NEK1: variants seen among roughly 807,000 people sequenced by gnomAD.
NEK1 encodes the protein serine/threonine-protein kinase Nek1.
Under a neutral mutation model 182.1 loss-of-function variants are expected in NEK1, and 137 were observed. That is an observed-to-expected ratio of 0.75 (90% CI 0.65 to 0.87). The LOEUF is 0.87. Among genes scored for constraint, NEK1 ranks in the 40% least tolerant of loss-of-function variants. The pLI is 0.00. For synonymous variants in NEK1, 513 were observed against 492.2 expected, an observed-to-expected ratio of 1.04 and a Z score of -0.56; for missense variants, 1,391 against 1,494.4, an observed-to-expected ratio of 0.93 and a Z score of 1.14.
At chr4:169,536,454 G>A (rs1337596424) in intron 19 of NEK1, among the ~76,000 whole-genome samples, 1 of 150,186 alleles carries the variant, frequency 6.7e-6, no homozygotes, top group Non-Finnish European at 1.5e-5. Context: ...CAAGCCAGAG[G>A]TAAAAAGTTT....
At chr4:169,492,862 A>G (rs969921567) in intron 23 of NEK1, among the ~76,000 whole-genome samples, 18 of 152,178 alleles carry the variant, frequency 1.2e-4, no homozygotes, top group Non-Finnish European at 2.4e-4. Flanking sequence ...CACCAATGGG[A>G]AACAGGAAAT....
intron 23 of NEK1, among the ~76,000 whole-genome samples, chr4:169,488,640 G>A (rs1184062293): frequency 6.6e-6 from 1 of 152,054 alleles, no homozygotes; most frequent in African/African-American, 2.4e-5. Context: ...AAATATACGT[G>A]GTTTTACTGA....
intron 22 of NEK1, 29 bp from the exon 23 acceptor site, chr4:169,507,161 GT>G: frequency 9.5e-7 from 1 of 1,055,206 alleles, no homozygotes; most frequent in South Asian, 1.6e-5. Context: ...AACAAAATGA[GT>G]TACCAGAAAG....
chr4:169,433,615 T>C lies in NEK1; in HGVS notation c.2815A>G (p.Lys939Glu), dbSNP rs370930011. Residue 939 changes from lysine to glutamate, a missense_variant, in exon 29 of 36, where the codon AAA (lysine) becomes GAA (glutamate). Coordinates refer to ENST00000507142, the MANE Select transcript of NEK1 (RefSeq NM_001199397.3). ...ATAGTGCATGGCAAGCTCTCATCTT[T>C]GTTTGTTCCACTTGGCTCTTGTAGA... ...EILQEPSGTN[K>E]DESLPCTITD... 7.4e-6 allele frequency: 12 copies of C among 1,613,298 alleles called. No homozygotes were observed. The highest frequency in any genetic ancestry group is 1.0e-5 in the Non-Finnish European group (12 of 1,179,530).
At chr4:169,546,893 A>T (rs1277342938) in intron 18 of NEK1, among the ~76,000 whole-genome samples, 1 of 152,186 alleles carries the variant, frequency 6.6e-6, no homozygotes, top group East Asian at 1.9e-4. Flanking sequence ...GGGTCTCCTG[A>T]ATACAGCACA....
At chr4:169,541,430 G>A (rs1431744332) in intron 18 of NEK1, among the ~76,000 whole-genome samples, 1 of 152,064 alleles carries the variant, frequency 6.6e-6, no homozygotes, top group Non-Finnish European at 1.5e-5. Context: ...TTAAGAAATT[G>A]CATATAAGCA....
chr4:169,478,126 G>C (rs951089702), intron 24 of NEK1, among the ~76,000 whole-genome samples: 1 of 151,836 alleles, frequency 6.6e-6, no homozygotes, highest in Non-Finnish European at 1.5e-5. Context: ...AAAAACATAC[G>C]AAAAGAAGAA....
intron 23 of NEK1, among the ~76,000 whole-genome samples, chr4:169,481,003 C>A (rs905883257): frequency 1.3e-5 from 2 of 152,202 alleles, no homozygotes; most frequent in Admixed American, 6.5e-5. Context: ...ACAAAATATT[C>A]TAAATCCCTT....
intron 12 of NEK1, among the ~76,000 whole-genome samples, chr4:169,574,748 G>A (rs919711189): frequency 6.6e-6 from 1 of 152,090 alleles, no homozygotes; most frequent in South Asian, 2.1e-4. Context: ...GGAGAGTCTG[G>A]CAATGAGAAG....
intron 27 of NEK1, among the ~76,000 whole-genome samples, chr4:169,443,467 TC>T (rs1446801429): frequency 7.0e-6 from 1 of 143,768 alleles, no homozygotes; most frequent in Non-Finnish European, 1.5e-5. Context: ...TTCGAAATAA[TC>T]CACTCAGAAA....
intron 29 of NEK1, 137 bp from the exon 30 acceptor site, chr4:169,426,371 A>C (rs1736393861): frequency 1.5e-6 from 1 of 676,290 alleles, no homozygotes; most frequent in Non-Finnish European, 2.6e-6. Flanking sequence ...TCTCACTTTC[A>C]TATATACTTT....
chr4:169,503,897 G>A (rs139372456), intron 23 of NEK1, among the ~76,000 whole-genome samples: 36 of 152,184 alleles, frequency 2.4e-4, no homozygotes, highest in African/African-American at 8.7e-4. Context: ...AAGTTAAGAA[G>A]CTTCTGCACA....
chr4:169,426,451 A>T (rs1287612502), intron 29 of NEK1, among the ~76,000 whole-genome samples: 1 of 152,232 alleles, frequency 6.6e-6, no homozygotes, highest in Non-Finnish European at 1.5e-5. Flanking sequence ...CACAGCAACC[A>T]GGCTCACCAT....
intron 12 of NEK1, among the ~76,000 whole-genome samples, chr4:169,567,987 C>T (rs1352492811): frequency 6.6e-6 from 1 of 152,178 alleles, no homozygotes; most frequent in Non-Finnish European, 1.5e-5. Context: ...AGAAAACCAA[C>T]ACATTACTTG....
At chr4:169,434,325 G>C (rs1355581541) in intron 28 of NEK1, among the ~76,000 whole-genome samples, 1 of 149,150 alleles carries the variant, frequency 6.7e-6, no homozygotes, top group African/African-American at 2.5e-5. Flanking sequence ...TGATCCTCCT[G>C]CCTCAGCCTC....
chr4:169,600,586 G>A (rs532348457), intron 4 of NEK1, among the ~76,000 whole-genome samples: 2 of 152,164 alleles, frequency 1.3e-5, no homozygotes, highest in African/African-American at 2.4e-5. Flanking sequence ...TTTGTAATGT[G>A]CCACTGGGAT....
At chr4:169,565,215 C>T (rs966182878) in intron 12 of NEK1, among the ~76,000 whole-genome samples, 1 of 152,144 alleles carries the variant, frequency 6.6e-6, no homozygotes, top group Admixed American at 6.5e-5. Context: ...CTAAAGGCGA[C>T]CCACAATAAG....
At chr4:169,415,620 G>A (rs988904392) in intron 31 of NEK1, among the ~76,000 whole-genome samples, 3 of 152,120 alleles carry the variant, frequency 2.0e-5, no homozygotes, top group Non-Finnish European at 2.9e-5. Flanking sequence ...CTGGTCTGAA[G>A]CAGGGTATAA....
chr4:169,462,574 A>C (rs1275404404), intron 27 of NEK1, among the ~76,000 whole-genome samples: 1 of 152,058 alleles, frequency 6.6e-6, no homozygotes, highest in Non-Finnish European at 1.5e-5. Flanking sequence ...TCTGGATATG[A>C]GTGTCACTAG....
Sources: gnomAD v4.1 joint callset for allele counts (sites outside exome capture counted in the v4.1 genomes callset) on GRCh38, gnomAD v4.1.1 for gene constraint, MANE v1.5 for transcripts, NCBI Gene and HGNC (gene_info 2026-07-23, HGNC 2026-07-21) for gene names.